EPHA6: variants seen among roughly 807,000 people sequenced by gnomAD.
EPHA6 encodes ephrin type-A receptor 6.
In EPHA6, 50 loss-of-function variants were observed where a neutral mutation model predicts 112.0. The ratio of observed to expected loss-of-function variants is 0.45; its 90% CI spans 0.36 to 0.56. The LOEUF (loss-of-function observed/expected upper bound fraction) is 0.56. EPHA6 is among the 20% of genes least tolerant of loss of function. EPHA6 has a pLI of 0.00. For missense variants in EPHA6, 1,280 were observed against 1,417.4 expected, an observed-to-expected ratio of 0.90 and a Z score of 1.56; for synonymous variants, 529 against 490.7, an observed-to-expected ratio of 1.08 and a Z score of -1.03.
chr3:97,061,038 G>T (rs2108121596), intron 3 of EPHA6, among the ~76,000 whole-genome samples: 1 of 152,038 alleles, frequency 6.6e-6, no homozygotes, highest in East Asian at 1.9e-4. Flanking sequence ...TGGCTTGGGT[G>T]GTTCAGAAAT....
chr3:97,468,689 A>C (rs1355889605), intron 7 of EPHA6, among the ~76,000 whole-genome samples: 1 of 151,776 alleles, frequency 6.6e-6, no homozygotes, highest in Non-Finnish European at 1.5e-5. Context: ...TGTAATGTAA[A>C]ATTACAACGT....
intron 10 of EPHA6, among the ~76,000 whole-genome samples, chr3:97,512,626 A>T (rs1187256056): frequency 2.0e-5 from 3 of 152,254 alleles, no homozygotes; most frequent in East Asian, 1.9e-4. Context: ...ATGCAGTGGC[A>T]CTATCTCAGC....
At chr3:97,579,284 T>C (rs1337041592) in intron 11 of EPHA6, among the ~76,000 whole-genome samples, 1 of 151,882 alleles carries the variant, frequency 6.6e-6, no homozygotes, top group Non-Finnish European at 1.5e-5. Context: ...TCAATTAGGC[T>C]GCACTTATTT....
intron 13 of EPHA6, among the ~76,000 whole-genome samples, chr3:97,615,203 C>A (rs72932228): frequency 6.6e-6 from 1 of 151,894 alleles, no homozygotes; most frequent in Non-Finnish European, 1.5e-5. Context: ...GTGTGACCCC[C>A]GGAAACCACA....
intron 3 of EPHA6, among the ~76,000 whole-genome samples, chr3:97,192,327 T>C (rs1470387522): frequency 6.6e-6 from 1 of 152,000 alleles, no homozygotes; most frequent in African/African-American, 2.4e-5. Context: ...GAGATGGGGT[T>C]TTGCCATGTT....
chr3:97,314,642 A>G (rs1335903943), intron 5 of EPHA6, among the ~76,000 whole-genome samples: 1 of 151,746 alleles, frequency 6.6e-6, no homozygotes, highest in Admixed American at 6.6e-5. Context: ...TTTTATAAGC[A>G]AGAGAATAAA....
chr3:97,271,511 C>T (rs561570449), intron 5 of EPHA6, among the ~76,000 whole-genome samples: 47 of 152,304 alleles, frequency 3.1e-4, no homozygotes, highest in African/African-American at 1.1e-3. Flanking sequence ...GCACGCACCA[C>T]CATACCCGGC....
At chr3:97,032,675 T>C (rs1164070444) in intron 3 of EPHA6, among the ~76,000 whole-genome samples, 1 of 151,934 alleles carries the variant, frequency 6.6e-6, no homozygotes, top group Non-Finnish European at 1.5e-5. Flanking sequence ...AATTCTAATC[T>C]GAACTTCTTG....
At chr3:96,885,412 T>C (rs572594279) in intron 2 of EPHA6, among the ~76,000 whole-genome samples, 1 of 152,300 alleles carries the variant, frequency 6.6e-6, no homozygotes, top group East Asian at 1.9e-4. Context: ...CTGCTTGTTA[T>C]TGGTCTGTTT....
At chr3:97,351,822 A>G (rs2083829221) in intron 5 of EPHA6, among the ~76,000 whole-genome samples, 1 of 152,166 alleles carries the variant, frequency 6.6e-6, no homozygotes, top group Admixed American at 6.5e-5. Context: ...TGGAGAGTAT[A>G]GTTTGGAAGA....
chr3:97,310,904 C>T (rs1190067785), intron 5 of EPHA6, among the ~76,000 whole-genome samples: 1 of 151,640 alleles, frequency 6.6e-6, no homozygotes, highest in East Asian at 1.9e-4. Context: ...AATCCATGTT[C>T]TTTGTACAGC....
rs111719216 is a variant in EPHA6, at chr3:97,695,280, T to C, written c.2785-24981T>C. On this transcript the variant is annotated intron_variant, in intron 14 of 17. Coordinates refer to ENST00000389672, the MANE Select transcript of EPHA6 (RefSeq NM_001080448.3). Reference sequence around the variant, plus strand: ...CAGTGCCAGAACTCATGTATGGTGGTATATTAAAATGTCCTTTGAAGCTGA... The same window carrying C: ...CAGTGCCAGAACTCATGTATGGTGGCATATTAAAATGTCCTTTGAAGCTGA... 3.4e-3 allele frequency among the ~76,000 whole-genome samples: 519 copies of C among 152,286 alleles called. 4 individuals carry two copies. The highest frequency in any genetic ancestry group is 0.012 in the African/African-American group (487 of 41,548).
At chr3:97,024,641 C>T in intron 3 of EPHA6, among the ~76,000 whole-genome samples, 1 of 152,144 alleles carries the variant, frequency 6.6e-6, no homozygotes, top group East Asian at 1.9e-4. Flanking sequence ...AATCAAGAAT[C>T]ATGTTTACAT....
intron 12 of EPHA6, among the ~76,000 whole-genome samples, chr3:97,594,357 C>T (rs532309434): frequency 6.6e-6 from 1 of 152,226 alleles, no homozygotes; most frequent in Non-Finnish European, 1.5e-5. Flanking sequence ...CTCTATTCTT[C>T]TAGGCTTTAA....
chr3:97,558,807 C>T (rs1007868181), intron 11 of EPHA6, among the ~76,000 whole-genome samples: 3 of 151,770 alleles, frequency 2.0e-5, no homozygotes, highest in Non-Finnish European at 1.5e-5. Context: ...CCTGGACTTA[C>T]AAAGAAAATC....
intron 11 of EPHA6, among the ~76,000 whole-genome samples, chr3:97,542,759 G>T (rs1226247396): frequency 6.6e-6 from 1 of 152,312 alleles, no homozygotes. Context: ...AGCACCTGTT[G>T]TTTCCTGACT....
chr3:97,571,681 T>A (rs1311004282), intron 11 of EPHA6, among the ~76,000 whole-genome samples: 1 of 152,168 alleles, frequency 6.6e-6, no homozygotes, highest in African/African-American at 2.4e-5. Context: ...AACTCTTTCC[T>A]GTTAAATGCC....
intron 2 of EPHA6, among the ~76,000 whole-genome samples, chr3:96,899,736 G>A (rs921229376): frequency 6.6e-6 from 1 of 152,114 alleles, no homozygotes; most frequent in Non-Finnish European, 1.5e-5. Flanking sequence ...TTATTTATAA[G>A]CAGTAGTCCT....
At chr3:97,076,062 A>G (rs2046514037) in intron 3 of EPHA6, among the ~76,000 whole-genome samples, 1 of 152,066 alleles carries the variant, frequency 6.6e-6, no homozygotes, top group African/African-American at 2.4e-5. Flanking sequence ...ATTACCCTAC[A>G]GTGGCCTTTA....
Sources: allele counts gnomAD v4.1 joint callset (sites outside exome capture counted in the v4.1 genomes callset), GRCh38; gene constraint gnomAD v4.1.1; transcripts MANE v1.5; gene names NCBI Gene and HGNC (gene_info 2026-07-23, HGNC 2026-07-21).